Variants in HMX1 observed in about 807,000 individuals in gnomAD.
HMX1 encodes the protein homeobox protein HMX1.
A neutral mutation model predicts 8.9 loss-of-function variants in HMX1; 8 were observed. The observed-to-expected ratio is 0.90, with a 90% CI of 0.53 to 1.63. HMX1 has a LOEUF of 1.63. HMX1 is among the 40% of genes most tolerant of loss of function. The pLI is 0.00. For synonymous variants in HMX1, 311 were observed against 283.4 expected, an observed-to-expected ratio of 1.10 and a Z score of -0.98; for missense variants, 621 against 558.5, an observed-to-expected ratio of 1.11 and a Z score of -1.13.
Position 8,871,153 on chromosome 4 carries a change from CCCAG to C in HMX1, c.394+64_394+67del. On this transcript the variant is annotated intron_variant, in intron 1 of 1. Transcript: ENST00000400677. The surrounding 1 kb of genome is among the most constrained non-coding windows in gnomAD (Gnocchi z 4.8). ...ACGGGCGGCGACGAGCCCGAAGTCC[CCCAG>C]CAAATGCGCAGGGAGGAAGTCGGGC... 1.7e-5 allele frequency: 22 copies of C among 1,302,346 alleles called. No individual in the cohort carries two copies. Among genetic ancestry groups the C allele is most frequent in the Non-Finnish European group, 2.2e-5 (22 of 1,018,952 alleles). 80.7% of individuals were successfully genotyped at this position (1,302,346 alleles called of 1,614,324 possible).
chr4:8,865,877 C>G (rs7293281), downstream of HMX1, among the ~76,000 whole-genome samples: 2,803 of 152,278 alleles, frequency 0.018, 87 homozygotes, highest in African/African-American at 0.065. Context: ...CGAGGGAGCC[C>G]GGACACAAGC....
At chr4:8,865,335 G>C (rs978825014), downstream of HMX1, among the ~76,000 whole-genome samples, 2 of 152,344 alleles carry the variant, frequency 1.3e-5, no homozygotes, top group Non-Finnish European at 2.9e-5. Context: ...GGGCCGAGGA[G>C]GCAGGCGTCC....
At position 8,867,808 on chromosome 4, in the gene HMX1, G is replaced by T; in HGVS notation, c.932C>A (p.Pro311His). Residue 311 changes from proline (P) to histidine (H), a missense_variant, in exon 2 of 2, where the codon CCC becomes CAC. By Grantham distance (77) the Pro-to-His change is moderately conservative. Transcript: ENST00000400677. ...TLPFPLAPAAPAPPPPLLGFS... is the reference protein window; with the variant it reads ...TLPFPLAPAAHAPPPPLLGFS... ...GCCGAGCAGCGGTGGGGGCGGCGCG[G>T]GCGCGGCGGGCGCCAGCGGGAAGGG... The T allele has an allele frequency of 8.2e-7, 1 of 1,226,678 alleles. No individual in the cohort carries two copies. Among genetic ancestry groups the T allele is most frequent in the East Asian group, 3.3e-5 (1 of 30,270 alleles). The allele number at this position is 1,226,678 out of a possible 1,614,324, so 76.0% of individuals were successfully genotyped here. A position where few individuals can be genotyped will look rare whatever the true frequency, so the allele number is the denominator to read the frequency against.
chr4:8,849,573 T>G lies in HMX1; in HGVS notation c.395-3249A>C, dbSNP rs147434915. Reference sequence around the variant, plus strand: ...TGCAAGATAAAACATTTCAATTGTCTGAAGCCCATTGCCTGTGGCCCTTGG... The same window carrying G: ...TGCAAGATAAAACATTTCAATTGTCGGAAGCCCATTGCCTGTGGCCCTTGG... On this transcript the variant is annotated intron_variant, in intron 1 of 1. Coordinates refer to the HMX1 transcript ENST00000506970. The surrounding 1 kb of genome is among the most constrained non-coding windows in gnomAD (Gnocchi z 6.6). 2.0e-3 allele frequency among the ~76,000 whole-genome samples: 307 copies of G among 152,274 alleles called. 1 individual carries two copies. Among genetic ancestry groups the G allele is most frequent in the African/African-American group, 7.0e-3 (292 of 41,572 alleles).
chr4:8,862,862 C>T (rs570342429), downstream of HMX1, among the ~76,000 whole-genome samples: 1 of 152,322 alleles, frequency 6.6e-6, no homozygotes, highest in South Asian at 2.1e-4. Flanking sequence ...GGCGCCCGAT[C>T]CTGTGTGTCC....
chr4:8,867,018 T>C, downstream of HMX1: 1 of 954,172 alleles, frequency 1.0e-6, no homozygotes, highest in Non-Finnish European at 1.2e-6. Context: ...GAGCTGTCTC[T>C]GCCCTCGTGA....
downstream of HMX1, among the ~76,000 whole-genome samples, chr4:8,866,595 G>A (rs764722406): frequency 1.1e-4 from 16 of 152,224 alleles, no homozygotes; most frequent in Admixed American, 8.5e-4. Flanking sequence ...ACTGCAGGCC[G>A]GGAGGAAGAC....
rs1722025494 is a variant in HMX1, at chr4:8,867,188, C to T, written c.*505G>A. The T allele has an allele frequency of 1.0e-6, 1 of 985,694 alleles. No homozygotes were observed. The highest frequency in any genetic ancestry group is 1.2e-6 in the Non-Finnish European group (1 of 830,082). The allele number at this position is 985,694 out of a possible 1,614,324, so 61.1% of individuals were successfully genotyped here. ...ACGATGGGACCCACAGGTCCAGGGTCCTTTCTCCACCAGCACCCGCGAGAG... is the reference window on the plus strand; with the variant it reads ...ACGATGGGACCCACAGGTCCAGGGTTCTTTCTCCACCAGCACCCGCGAGAG... On this transcript the variant is annotated 3_prime_UTR_variant, in exon 2 of 2. Coordinates refer to ENST00000400677, the MANE Select transcript of HMX1 (RefSeq NM_018942.3).
At chr4:8,863,548 G>A (rs990445009), downstream of HMX1, among the ~76,000 whole-genome samples, 1 of 152,250 alleles carries the variant, frequency 6.6e-6, no homozygotes, top group Non-Finnish European at 1.5e-5. Context: ...ATCTTCTCAG[G>A]GTGCTCCCGC....
chr4:8,860,332 A>G (rs1049117551), intron 1 of HMX1, among the ~76,000 whole-genome samples: 2 of 152,214 alleles, frequency 1.3e-5, no homozygotes, highest in African/African-American at 4.8e-5. Flanking sequence ...GCTCCGGGTC[A>G]TGGTGGGTGC....
intron 1 of HMX1, among the ~76,000 whole-genome samples, chr4:8,861,512 ACG>A (rs1200938075): frequency 1.3e-5 from 2 of 152,132 alleles, no homozygotes; most frequent in African/African-American, 4.8e-5. Context: ...GGGCAGATGC[ACG>A]CGCGCGCGGG....
At chr4:8,861,762 G>A (rs1721833387) in intron 1 of HMX1, among the ~76,000 whole-genome samples, 2 of 152,366 alleles carry the variant, frequency 1.3e-5, no homozygotes, top group South Asian at 4.1e-4. Flanking sequence ...TGGACCCTCA[G>A]AGCCCCGGGA....
rs1275469407 is a variant in HMX1 at position 8,871,469 on chromosome 4, T to C, written c.146A>G (p.Asp49Gly). 1 of 1,344,042 alleles carries C rather than the reference T, an allele frequency of 7.4e-7. No homozygotes were observed. The highest frequency in any genetic ancestry group is 9.6e-7 in the Non-Finnish European group (1 of 1,038,402). 83.3% of individuals were successfully genotyped at this position (1,344,042 alleles called of 1,614,324 possible). Residue 49 changes from aspartate (D) to glycine (G), a missense_variant, in exon 1 of 2, where the codon GAC becomes GGC. By Grantham distance (94) the Asp-to-Gly change is moderately conservative. Coordinates refer to ENST00000400677, the MANE Select transcript of HMX1 (RefSeq NM_018942.3). The surrounding 1 kb of genome is among the most constrained non-coding windows in gnomAD (Gnocchi z 4.8). Reference sequence around the variant, plus strand: ...GGCGTCCTCGTCTTCGGGGTCGTCGTCGTCCTCCTCCTCGTCCTCCCGGCT... The same window carrying C: ...GGCGTCCTCGTCTTCGGGGTCGTCGCCGTCCTCCTCCTCGTCCTCCCGGCT... ...DGSREDEEED[D>G]DDPEDEDAEQ...
chr4:8,868,119 G>A lies in HMX1; in HGVS notation c.621C>T (p.Arg207=). The stretch of plus-strand genomic sequence containing the variant: ...AGACCTGGCTGCGGGAGAAGACTGT[G>A]CGCGTCTTCTTCTTTCGGCCGCCGC... ...GVGGGRKKKT[R]TVFSRSQVFQ... is the part of the protein sequence containing the mutation. The change falls in exon 2 of 2, where the codon CGC becomes CGT. Residue 207 remains arginine (R), a synonymous_variant. Coordinates refer to ENST00000400677, the MANE Select transcript of HMX1 (RefSeq NM_018942.3). The surrounding 1 kb of genome is among the most constrained non-coding windows in gnomAD (Gnocchi z 4.6). The A allele has an allele frequency of 2.0e-6, 3 of 1,517,534 alleles. No individual in the cohort carries two copies. The highest frequency in any genetic ancestry group is 2.6e-6 in the Non-Finnish European group (3 of 1,136,660). The allele number at this position is 1,517,534 out of a possible 1,614,324, so 94.0% of individuals were successfully genotyped here.
Position 8,847,806 on chromosome 4 carries a change from G to A in HMX1, c.395-1482C>T, listed in dbSNP as rs1721322168. Among the ~76,000 whole-genome samples the A allele has an allele frequency of 6.6e-6, 1 of 152,228 alleles. No homozygotes were observed. On this transcript the variant is annotated intron_variant, in intron 1 of 1. Coordinates refer to the HMX1 transcript ENST00000506970. The surrounding 1 kb of genome is among the most constrained non-coding windows in gnomAD (Gnocchi z 6.0). Reference sequence around the variant, plus strand: ...TTCTGGACACAAGAATAAAGAAACAGGATTCAGAAACAGGGGAATGGGAAG... The same window carrying A: ...TTCTGGACACAAGAATAAAGAAACAAGATTCAGAAACAGGGGAATGGGAAG...
chr4:8,851,416 A>G (rs1036209770), intron 1 of HMX1, among the ~76,000 whole-genome samples: 5 of 152,196 alleles, frequency 3.3e-5, no homozygotes, highest in Non-Finnish European at 7.3e-5. Flanking sequence ...GCGGGTGTAC[A>G]ATGCACCCCA....
At chr4:8,861,839 A>G (rs1577197364) in intron 1 of HMX1, among the ~76,000 whole-genome samples, 3 of 152,240 alleles carry the variant, frequency 2.0e-5, no homozygotes, top group Non-Finnish European at 1.5e-5. Flanking sequence ...CAGACCAAGC[A>G]CGCCGAGTGC....
chr4:8,864,159 C>T (rs1386165665), downstream of HMX1, among the ~76,000 whole-genome samples: 2 of 152,208 alleles, frequency 1.3e-5, no homozygotes, highest in Admixed American at 6.5e-5. Flanking sequence ...TCCTGTTGGC[C>T]TCACTCAAAT....
At chr4:8,869,463 T>G (rs1722138253) in intron 1 of HMX1, among the ~76,000 whole-genome samples, 1 of 152,220 alleles carries the variant, frequency 6.6e-6, no homozygotes, top group South Asian at 2.1e-4. Flanking sequence ...CCTGGGCCCC[T>G]GGAAGGCTGT....
Sources: allele counts gnomAD v4.1 joint callset (sites outside exome capture counted in the v4.1 genomes callset), GRCh38; gene constraint gnomAD v4.1.1; non-coding constraint Gnocchi (gnomAD v3.1); transcripts MANE v1.5; gene names NCBI Gene and HGNC (gene_info 2026-07-23, HGNC 2026-07-21).